The following RNF149 variants were observed in gnomAD, a reference collection of about 807,000 sequenced individuals.
RNF149 encodes E3 ubiquitin-protein ligase RNF149.
RNF149 carries 21 observed loss-of-function variants against 39.0 expected under a neutral mutation model. The ratio of observed to expected loss-of-function variants is 0.54; its 90% CI spans 0.38 to 0.77. The LOEUF is 0.77. Ranked by LOEUF, RNF149 falls within the 30% of genes least tolerant of loss-of-function variation. The pLI, the probability that RNF149 is intolerant of heterozygous loss-of-function variation, is 0.00. For synonymous variants in RNF149, 209 were observed against 213.6 expected, an observed-to-expected ratio of 0.98 and a Z score of 0.19; for missense variants, 493 against 534.9, an observed-to-expected ratio of 0.92 and a Z score of 0.77.
At chr2:101,284,439 G>A (rs1573227994) in intron 5 of RNF149, among the ~76,000 whole-genome samples, 1 of 152,058 alleles carries the variant, frequency 6.6e-6, no homozygotes, top group Admixed American at 6.6e-5. Flanking sequence ...AAATTAGCTG[G>A]GTGTACTGGA....
intron 6 of RNF149, among the ~76,000 whole-genome samples, chr2:101,277,652 ATGC>A (rs1433240847): frequency 6.6e-6 from 1 of 152,092 alleles, no homozygotes; most frequent in East Asian, 1.9e-4. Flanking sequence ...GCCTCCCAAA[ATGC>A]TGGGATTACA....
intron 6 of RNF149, 43 bp downstream of exon 6, chr2:101,281,816 T>G (rs750027611): frequency 6.2e-7 from 1 of 1,608,296 alleles, no homozygotes; most frequent in South Asian, 1.1e-5. Flanking sequence ...GAGCCACCAC[T>G]CCTGGCCACA....
At chr2:101,305,585 A>T (rs1683622230) in intron 1 of RNF149, among the ~76,000 whole-genome samples, 1 of 152,158 alleles carries the variant, frequency 6.6e-6, no homozygotes, top group South Asian at 2.1e-4. Flanking sequence ...ATCTGGAGAC[A>T]TCTTTGATTG....
chr2:101,289,507 C>T (rs1293393434), intron 3 of RNF149, among the ~76,000 whole-genome samples: 8 of 152,024 alleles, frequency 5.3e-5, no homozygotes, highest in Non-Finnish European at 1.0e-4. Flanking sequence ...GAGATTGAGA[C>T]CATCCTGGCC....
Position 101,302,381 on chromosome 2 carries a change from T to C in RNF149, c.460+5748A>G, listed in dbSNP as rs140303191. ...GAATTCATCAATATGAATGTAAATA[T>C]CATGGAAATCTGAAGCCATTATGCA... On this transcript the variant is annotated intron_variant, in intron 1 of 6. Coordinates refer to ENST00000295317, the MANE Select transcript of RNF149 (RefSeq NM_173647.4). Among the ~76,000 whole-genome samples the C allele has an allele frequency of 2.2e-3, 335 of 152,286 alleles. 2 individuals are homozygous for C. Among genetic ancestry groups the C allele is most frequent in the African/African-American group, 7.8e-3 (322 of 41,544 alleles).
Position 101,277,247 on chromosome 2 carries a change from G to A in RNF149, c.1194C>T (p.Pro398=), listed in dbSNP as rs1682379242. 1 of 1,613,572 alleles carries A rather than the reference G, an allele frequency of 6.2e-7. No homozygotes were observed. ...TCAGTGGGCACGTGTGCTAGGAGAT[G>A]GGTCCTCCATGCCGAGAGTCACTCC... ...AGRSDSRHGG[P]IS The change falls in exon 7 of 7, where the codon CCC becomes CCT. Residue 398 remains proline (P), a synonymous_variant. Coordinates refer to ENST00000295317, the MANE Select transcript of RNF149 (RefSeq NM_173647.4).
downstream of RNF149, chr2:101,273,161 C>T: frequency 7.6e-7 from 1 of 1,311,426 alleles, no homozygotes; most frequent in South Asian, 1.2e-5. Flanking sequence ...ACCTCTCTGG[C>T]CCTTTAGTTT....
Position 101,308,337 on chromosome 2 carries a change from G to C in RNF149, c.252C>G (p.Gly84=). Residue 84 remains glycine (G), a synonymous_variant, in exon 1 of 7, where the codon GGC becomes GGG. Transcript: ENST00000295317. ...CGGGCGCGCAGCCCTCGAGGTCTCCGCCGGGCGCCCACGGGACGCCCACCA... is the reference window on the plus strand; with the variant it reads ...CGGGCGCGCAGCCCTCGAGGTCTCCCCCGGGCGCCCACGGGACGCCCACCA... The part of the protein sequence containing the change: ...HGLVGVPWAP[G]GDLEGCAPDT... The C allele has an allele frequency of 6.3e-7, 1 of 1,597,360 alleles. No individual in the cohort carries two copies. Among genetic ancestry groups the C allele is most frequent in the East Asian group, 2.3e-5 (1 of 43,626 alleles).
intron 1 of RNF149, among the ~76,000 whole-genome samples, chr2:101,297,128 G>A (rs771014659): frequency 6.6e-6 from 1 of 152,122 alleles, no homozygotes; most frequent in Non-Finnish European, 1.5e-5. Context: ...AGAATTGCTT[G>A]AACCCAGGAG....
intron 2 of RNF149, chr2:101,294,643 G>GC (rs1432379008): frequency 3.3e-5 from 10 of 301,304 alleles, no homozygotes; most frequent in African/African-American, 1.1e-4. Flanking sequence ...AGACAGAGAG[G>GC]CCCCCCCTTC....
intron 6 of RNF149, 176 bp downstream of exon 6, chr2:101,281,683 T>C (rs143761541): frequency 5.3e-4 from 352 of 660,518 alleles, no homozygotes; most frequent in Middle Eastern, 1.7e-3. Flanking sequence ...GAAGTTTTTG[T>C]AGAGATGGGG....
intron 1 of RNF149, among the ~76,000 whole-genome samples, chr2:101,305,815 C>G (rs1319231341): frequency 1.3e-5 from 2 of 152,268 alleles, no homozygotes; most frequent in East Asian, 3.9e-4. Context: ...CTTTTAAACT[C>G]CTTGAGCATC....
Position 101,302,445 on chromosome 2 carries a change from G to A in RNF149, c.460+5684C>T, listed in dbSNP as rs73943446. ...TATGGTTGGTTAGAGTGAGTTAGGAGGACCCCAACGTAAGTGCAATATTAT... is the reference window on the plus strand; with the variant it reads ...TATGGTTGGTTAGAGTGAGTTAGGAAGACCCCAACGTAAGTGCAATATTAT... On this transcript the variant is annotated intron_variant, in intron 1 of 6. Coordinates refer to ENST00000295317, the MANE Select transcript of RNF149 (RefSeq NM_173647.4). Among the ~76,000 whole-genome samples, 513 of 152,226 alleles carry A rather than the reference G, an allele frequency of 3.4e-3. 3 individuals are homozygous for A. The highest frequency in any genetic ancestry group is 0.012 in the African/African-American group (498 of 41,526).
chr2:101,275,111 GTTTTTTTTT>G (rs1165388203), downstream of RNF149, among the ~76,000 whole-genome samples: 2 of 51,056 alleles, frequency 3.9e-5, no homozygotes, highest in East Asian at 6.1e-4. Flanking sequence ...TAGTATTTCT[GTTTTTTTTT>G]TTTTTTTTTT....
Position 101,276,398 on chromosome 2 carries a change from G to C in RNF149, c.*840C>G. ...TAATCAAGAAAACTGGTTATTTCGA[G>C]TCAACAACAAAAACTAAAATTCTAC... On this transcript the variant is annotated 3_prime_UTR_variant, in exon 7 of 7. Coordinates refer to ENST00000295317, the MANE Select transcript of RNF149 (RefSeq NM_173647.4). The C allele has an allele frequency of 1.0e-6, 1 of 985,826 alleles. No homozygotes were observed. The highest frequency in any genetic ancestry group is 1.2e-6 in the Non-Finnish European group (1 of 829,922). 61.1% of individuals were successfully genotyped at this position (985,826 alleles called of 1,614,324 possible).
At chr2:101,271,882 C>T (rs1558771935), downstream of RNF149, 5 of 152,136 alleles carry the variant, frequency 3.3e-5, no homozygotes, top group South Asian at 6.2e-4. Flanking sequence ...GAAATGGTAT[C>T]GATTTTTATT....
At chr2:101,277,761 G>A (rs1247988887) in intron 6 of RNF149, among the ~76,000 whole-genome samples, 3 of 152,084 alleles carry the variant, frequency 2.0e-5, no homozygotes, top group African/African-American at 4.8e-5. Context: ...AAGAAAAATC[G>A]GTAAACATCT....
Position 101,281,848 on chromosome 2 carries a change from A to G in RNF149, c.1159+11T>C, listed in dbSNP as rs747569782. ...CACATTCTATTGTTTTATAATTTGC[A>G]CACCGCTCACCTAGCAATGCCGTAT... On this transcript the variant is annotated intron_variant, in intron 6 of 6. Coordinates refer to ENST00000295317, the MANE Select transcript of RNF149 (RefSeq NM_173647.4). The G allele has an allele frequency of 6.2e-7, 1 of 1,613,208 alleles. No homozygotes were observed. Among genetic ancestry groups the G allele is most frequent in the African/African-American group, 1.3e-5 (1 of 75,000 alleles).
At chr2:101,307,799 T>C (rs1436623464) in intron 1 of RNF149, 2 of 985,098 alleles carry the variant, frequency 2.0e-6, no homozygotes, top group Admixed American at 6.2e-5. Context: ...AAGCGGTGAA[T>C]GGAAAAGAGG....
Sources: allele counts gnomAD v4.1 joint callset (sites outside exome capture counted in the v4.1 genomes callset), GRCh38; gene constraint gnomAD v4.1.1; transcripts MANE v1.5; gene names NCBI Gene and HGNC (gene_info 2026-07-23, HGNC 2026-07-21).